Variants in POLN observed in about 807,000 individuals in gnomAD.
The protein encoded by POLN is DNA polymerase N.
Under a neutral mutation model 113.5 loss-of-function variants are expected in POLN, and 108 were observed. The observed-to-expected ratio is 0.95, with a 90% confidence interval of 0.81 to 1.12. The LOEUF (loss-of-function observed/expected upper bound fraction) is 1.12. Ranked by LOEUF, POLN falls within the 50% of genes most tolerant of loss-of-function variation. POLN has a pLI of 0.00. For missense variants in POLN, 1,097 were observed against 1,077.1 expected, an observed-to-expected ratio of 1.02 and a Z score of -0.26; for synonymous variants, 386 against 391.5, an observed-to-expected ratio of 0.99 and a Z score of 0.17.
Position 2,157,851 on chromosome 4 carries a change from T to C in POLN, c.1665+7A>G. ...TAATCACAGTATCTTTTTGTAAAGCTTGTTACCTTTTTCATGCAAGCTAGT... is the reference window on the plus strand; with the variant it reads ...TAATCACAGTATCTTTTTGTAAAGCCTGTTACCTTTTTCATGCAAGCTAGT... On this transcript the variant is annotated splice_region_variant and intron_variant, in intron 15 of 25. Transcript: ENST00000511885. 6.3e-7 allele frequency: 1 copy of C among 1,597,734 alleles called. No homozygotes were observed. Among genetic ancestry groups the C allele is most frequent in the South Asian group, 1.1e-5 (1 of 90,392 alleles).
chr4:2,076,989 A>G (rs920854265), intron 23 of POLN: 6 of 151,622 alleles, frequency 4.0e-5, no homozygotes, highest in Non-Finnish European at 8.8e-5. Flanking sequence ...ATTCCCTTCA[A>G]CTTCCAAGGA....
At chr4:2,142,399 A>G (rs1732024858) in intron 16 of POLN, among the ~76,000 whole-genome samples, 1 of 152,244 alleles carries the variant, frequency 6.6e-6, no homozygotes, top group Non-Finnish European at 1.5e-5. Context: ...CCCCTGTGCT[A>G]TCAAGTATTT....
Position 2,128,179 on chromosome 4 carries a change from G to C in POLN, c.1916C>G (p.Pro639Arg). The change falls in exon 19 of 26, where the codon CCG becomes CGG. Residue 639 changes from proline (P) to arginine (R), a missense_variant. Coordinates refer to ENST00000511885, the MANE Select transcript of POLN (RefSeq NM_181808.4). ...TTCCTGGAATAACTTCAGAAGTTCC[G>C]GATCTCCAGATAAATGTGTAAGAAT... is the stretch of plus-strand genomic sequence containing the variant. Reference protein sequence around the residue: ...LRILTHLSGDPELLKLFQESE... With the variant: ...LRILTHLSGDRELLKLFQESE... 1 of 1,612,652 alleles carries C rather than the reference G, an allele frequency of 6.2e-7. No homozygotes were observed. Among genetic ancestry groups the C allele is most frequent in the Non-Finnish European group, 8.5e-7 (1 of 1,178,776 alleles).
intron 2 of POLN, among the ~76,000 whole-genome samples, chr4:2,237,428 C>T (rs1734806425): frequency 6.7e-6 from 1 of 150,104 alleles, no homozygotes; most frequent in African/African-American, 2.5e-5. Flanking sequence ...AGAGTGAGAC[C>T]TTGTCTTAAA....
Position 2,080,975 on chromosome 4 carries a change from G to C in POLN, c.2370C>G (p.Ser790=), listed in dbSNP as rs1032051056. 1 of 1,613,892 alleles carries C rather than the reference G, an allele frequency of 6.2e-7. No homozygotes were observed. Among genetic ancestry groups the C allele is most frequent in the Non-Finnish European group, 8.5e-7 (1 of 1,179,976 alleles). The change falls in exon 23 of 26, where the codon TCC becomes TCG. Residue 790 remains serine (S), a synonymous_variant. Transcript: ENST00000511885. The part of the protein sequence containing the change: ...MIHVFTAVAA[S]HTLTARLVAQ... ...CCACTGACCTGGCCGTCAAGGTGTG[G>C]GAAGCAGCCACTGCAGTGAAGACAT...
Position 2,198,639 on chromosome 4 carries a change from G to T in POLN, c.793C>A (p.Pro265Thr), listed in dbSNP as rs140869775. ...CCCTCCAGAACAGGACCACAGGCCG[G>T]GGCATCTGGACAGCCATGGCCACCC... ...AEGGHGCPDA[P>T]ACGPVLEGFV... The change falls in exon 6 of 26, where the codon CCG becomes ACG. Residue 265 changes from proline to threonine, a missense_variant. By Grantham distance (38) the Pro-to-Thr change is conservative. Coordinates refer to ENST00000511885, the MANE Select transcript of POLN (RefSeq NM_181808.4). 6.2e-7 allele frequency: 1 copy of T among 1,613,726 alleles called. No homozygotes were observed. The highest frequency in any genetic ancestry group is 1.1e-5 in the South Asian group (1 of 91,036).
chr4:2,194,509 G>C (rs1382725452), intron 6 of POLN, among the ~76,000 whole-genome samples: 1 of 152,132 alleles, frequency 6.6e-6, no homozygotes, highest in African/African-American at 2.4e-5. Context: ...TCAGATCTTG[G>C]CTTGGCTGGA....
chr4:2,126,814 C>G lies in POLN; in HGVS notation c.1982+1299G>C, dbSNP rs576912126. ...GAGTGAGGCGGGTAACTGGTGAGCTCAGGCCTAGCCAGGGCAGCTGAAGAG... is the reference window on the plus strand; with the variant it reads ...GAGTGAGGCGGGTAACTGGTGAGCTGAGGCCTAGCCAGGGCAGCTGAAGAG... On this transcript the variant is annotated intron_variant, in intron 19 of 25. Transcript: ENST00000511885. This position sits in a 1 kb window ranked among gnomAD's most constrained non-coding sequence, Gnocchi z 4.6. Among the ~76,000 whole-genome samples, 1 of 152,256 alleles carries G rather than the reference C, an allele frequency of 6.6e-6. No homozygotes were observed. Among genetic ancestry groups the G allele is most frequent in the Non-Finnish European group, 1.5e-5 (1 of 68,008 alleles).
intron 19 of POLN, among the ~76,000 whole-genome samples, chr4:2,113,859 A>AAATAATAATAAT (rs150255371): frequency 2.9e-5 from 4 of 140,038 alleles, no homozygotes; most frequent in East Asian, 2.0e-4. Context: ...CTCCATTTCA[A>AAATAATAATAAT]AATAATAATA....
In POLN at chr4:2,071,934, G is replaced by T; in HGVS notation, c.*180C>A. ...TGGACGCGGCACTTCCCACTCACAG[G>T]AAGAATTCACTCAGACAAGGATGAG... On this transcript the variant is annotated 3_prime_UTR_variant, in exon 26 of 26. Transcript: ENST00000511885. The surrounding 1 kb of genome is among the most constrained non-coding windows in gnomAD (Gnocchi z 5.2). 1 of 781,536 alleles carries T rather than the reference G, an allele frequency of 1.3e-6. No homozygotes were observed. 48.4% of individuals were successfully genotyped at this position (781,536 alleles called of 1,614,324 possible).
At chr4:2,232,225 A>C in intron 2 of POLN, 1 of 737,398 alleles carries the variant, frequency 1.4e-6, no homozygotes, top group Non-Finnish European at 2.1e-6. Context: ...ATAAAATTAA[A>C]ATATAATTTA....
chr4:2,159,111 C>T (rs905903222), intron 14 of POLN, 44 bp downstream of exon 14: 1 of 1,412,398 alleles, frequency 7.1e-7, no homozygotes, highest in Non-Finnish European at 1.0e-6. Context: ...ATATGGTTCC[C>T]CCTCATCACC....
Position 2,095,642 on chromosome 4 carries a change from G to A in POLN, c.2065+209C>T, listed in dbSNP as rs183281647. ...TCACACTTGACCTGCCCAGCTCCGC[G>A]GCCTCCCCTGAGAGGCTGGATGTGA... On this transcript the variant is annotated intron_variant, in intron 20 of 25. Coordinates refer to ENST00000511885, the MANE Select transcript of POLN (RefSeq NM_181808.4). Among the ~76,000 whole-genome samples the A allele has an allele frequency of 1.1e-3, 164 of 152,312 alleles. 4 individuals are homozygous for A. The East Asian group carries it at 0.028, about 26-fold the overall frequency.
chr4:2,241,926 G>A, intron 1 of POLN, 125 bp downstream of exon 1: 2 of 985,524 alleles, frequency 2.0e-6, no homozygotes, highest in Non-Finnish European at 2.4e-6. Context: ...GGCAGCTGCT[G>A]GAGCACCTGG....
At position 2,184,157 on chromosome 4, in the gene POLN, G is replaced by GTT. The variant is rs59107300; in HGVS notation, c.1022-4694_1022-4693dup. On this transcript the variant is annotated intron_variant, in intron 7 of 25. Transcript: ENST00000511885. Reference sequence around the variant, plus strand: ...ACGTGAGCCACCGTGCCCAGCCAAAGTTTTTTTTTTTTTTTTAAGGGTACA... The same window carrying GTT: ...ACGTGAGCCACCGTGCCCAGCCAAAGTTTTTTTTTTTTTTTTTTAAGGGTACA... 3.6e-3 allele frequency among the ~76,000 whole-genome samples: 483 copies of GTT among 135,710 alleles called. 7 individuals carry two copies. The highest frequency in any genetic ancestry group is 0.029 in the Admixed American group (397 of 13,530). 89.0% of individuals were successfully genotyped at this position (135,710 alleles called of 152,430 possible). A position where few individuals can be genotyped will look rare whatever the true frequency, so the allele number is the denominator to read the frequency against.
chr4:2,199,578 T>A, intron 5 of POLN, among the ~76,000 whole-genome samples: 1 of 152,142 alleles, frequency 6.6e-6, no homozygotes. Flanking sequence ...ATATATACTT[T>A]TATTTTATTT....
chr4:2,196,657 C>G (rs1733582018), intron 6 of POLN, among the ~76,000 whole-genome samples: 1 of 151,206 alleles, frequency 6.6e-6, no homozygotes, highest in Admixed American at 6.6e-5. Flanking sequence ...AAAAAAAGCC[C>G]ATGGTTTTTA....
In POLN at chr4:2,081,753, A is replaced by G. The variant is rs1392679211; in HGVS notation, c.2198-10T>C. On this transcript the variant is annotated splice_polypyrimidine_tract_variant and intron_variant, in intron 21 of 25. Transcript: ENST00000511885. ...ATGGACACCACACAGCCTGAGTCACACAGAGCAAAAGTAGATGAGGGACAG... is the reference window on the plus strand; with the variant it reads ...ATGGACACCACACAGCCTGAGTCACGCAGAGCAAAAGTAGATGAGGGACAG... 6.2e-7 allele frequency: 1 copy of G among 1,612,654 alleles called. No homozygotes were observed. Among genetic ancestry groups the G allele is most frequent in the African/African-American group, 1.3e-5 (1 of 75,016 alleles).
chr4:2,210,625 AATAAT>A lies in POLN; in HGVS notation c.214-2143_214-2139del, dbSNP rs869091878. 1.2e-3 allele frequency among the ~76,000 whole-genome samples: 142 copies of A among 116,946 alleles called. 1 individual carries two copies. The highest frequency in any genetic ancestry group is 1.3e-3 in the Non-Finnish European group (83 of 63,210). 76.7% of individuals were successfully genotyped at this position (116,946 alleles called of 152,430 possible). A position where few individuals can be genotyped will look rare whatever the true frequency, so the allele number is the denominator to read the frequency against. ...TAATAATAATAATAATAATAATAAT[AATAAT>A]AAAAAAAAGAGGCCGGGCATGGTGG... is the stretch of plus-strand genomic sequence containing the variant. On this transcript the variant is annotated intron_variant, in intron 4 of 25. Coordinates refer to ENST00000511885, the MANE Select transcript of POLN (RefSeq NM_181808.4).
Sources: allele counts gnomAD v4.1 joint callset (sites outside exome capture counted in the v4.1 genomes callset), GRCh38; gene constraint gnomAD v4.1.1; non-coding constraint Gnocchi (gnomAD v3.1); transcripts MANE v1.5; gene names NCBI Gene and HGNC (gene_info 2026-07-23, HGNC 2026-07-21).